Variants in CAST observed in about 807,000 individuals in gnomAD.
CAST encodes the protein calpastatin, also known as MIR583 host.
A neutral mutation model predicts 119.6 loss-of-function variants in CAST; 76 were observed. The observed-to-expected ratio is 0.64, with a 90% CI of 0.53 to 0.77. CAST has a LOEUF of 0.77. CAST is among the 30% of genes least tolerant of loss of function. The pLI is 0.00. For missense variants in CAST, 953 were observed against 946.5 expected (o/e 1.01, Z -0.09); for synonymous variants, 319 against 331.6 (o/e 0.96, Z 0.41).
At chr5:96,681,422 T>G (rs985893025) in intron 2 of CAST, among the ~76,000 whole-genome samples, 1 of 152,190 alleles carries the variant, frequency 6.6e-6, no homozygotes, top group African/African-American at 2.4e-5. Flanking sequence ...TTTTCTTTTG[T>G]TCTTACAATT....
chr5:96,600,424 A>C lies in CAST; in HGVS notation c.60+70544A>C, dbSNP rs1747129367. ...ACATTATATGGATGACGATGGACCA[A>C]GTATGGACCCTTCATATTAGGAAGT... On this transcript the variant is annotated intron_variant, in intron 1 of 11. Transcript: ENST00000505143. Among the ~76,000 whole-genome samples the C allele has an allele frequency of 3.3e-5, 5 of 152,226 alleles. No homozygotes were observed. In the South Asian group the frequency reaches 1.0e-3, roughly 32 times the overall value.
the CAST span, among the ~76,000 whole-genome samples, chr5:96,117,543 C>A: frequency 2.0e-5 from 3 of 152,090 alleles, no homozygotes; most frequent in Non-Finnish European, 4.4e-5. Flanking sequence ...GTCAGATGTG[C>A]AGAAAGAACG....
chr5:96,320,647 TA>T, the CAST span, among the ~76,000 whole-genome samples: 1 of 152,206 alleles, frequency 6.6e-6, no homozygotes, highest in Non-Finnish European at 1.5e-5. Flanking sequence ...GAATATAGGC[TA>T]AATTCAAGAT....
At chr5:96,767,773 A>G in intron 28 of CAST, 134 bp from the exon 29 acceptor site, 1 of 639,212 alleles carries the variant, frequency 1.6e-6, no homozygotes, top group Non-Finnish European at 2.8e-6. Context: ...ACAATACATT[A>G]TTATTAATAA....
the CAST span, among the ~76,000 whole-genome samples, chr5:96,108,877 C>G: frequency 8.5e-5 from 13 of 152,374 alleles, no homozygotes; most frequent in African/African-American, 3.1e-4. Flanking sequence ...ATCAGCGAGA[C>G]TCCGTGGGCA....
the CAST span, among the ~76,000 whole-genome samples, chr5:96,320,538 G>A: frequency 7.9e-5 from 12 of 151,968 alleles, no homozygotes; most frequent in Non-Finnish European, 1.6e-4. Context: ...GTGCCCGGTC[G>A]GCTTTTGCTT....
the CAST span, among the ~76,000 whole-genome samples, chr5:96,367,164 T>C: frequency 6.6e-6 from 1 of 152,208 alleles, no homozygotes; most frequent in East Asian, 1.9e-4. Context: ...CAAACACTGC[T>C]GCCTGATCGT....
At chr5:96,366,295 G>T in the CAST span, among the ~76,000 whole-genome samples, 3 of 152,064 alleles carry the variant, frequency 2.0e-5, no homozygotes, top group Non-Finnish European at 4.4e-5. Context: ...CAAATCTGAC[G>T]ATTATATGTC....
the CAST span, among the ~76,000 whole-genome samples, chr5:96,370,514 G>A: frequency 6.6e-6 from 1 of 152,072 alleles, no homozygotes; most frequent in Non-Finnish European, 1.5e-5. Context: ...GGGCCAGACT[G>A]GTTCTTTAAT....
chr5:96,442,975 T>C, the CAST span, among the ~76,000 whole-genome samples: 1 of 152,252 alleles, frequency 6.6e-6, no homozygotes, highest in Non-Finnish European at 1.5e-5. Context: ...TCCTTCTTCT[T>C]TTTGTAACCA....
the CAST span, among the ~76,000 whole-genome samples, chr5:96,085,025 A>G: frequency 6.6e-6 from 1 of 152,222 alleles, no homozygotes; most frequent in Non-Finnish European, 1.5e-5. Context: ...TTTCTACCCC[A>G]TTCCAGCTAT....
chr5:96,474,192 A>C, the CAST span, among the ~76,000 whole-genome samples: 1 of 152,322 alleles, frequency 6.6e-6, no homozygotes, highest in Admixed American at 6.5e-5. Flanking sequence ...GGCAGCTCAC[A>C]GAATTTTCTA....
Position 96,737,938 on chromosome 5 carries a change from A to G in CAST, c.789A>G (p.Pro263=). ...TEEENTTYTG[P]EVSDPMSSTY... The stretch of plus-strand genomic sequence containing the variant: ...AAGAAAATACAACGTATACTGGACC[A>G]GAAGTTTCAGTATGTGATCATGATA... Residue 263 remains proline, a synonymous_variant, in exon 11 of 32, where the codon CCA becomes CCG. Coordinates refer to ENST00000675179, the MANE Select transcript of CAST (RefSeq NM_001750.7). 2 of 1,563,564 alleles carry G rather than the reference A, an allele frequency of 1.3e-6. No homozygotes were observed. Among genetic ancestry groups the G allele is most frequent in the South Asian group, 1.1e-5 (1 of 89,822 alleles).
At chr5:96,293,874 C>T in the CAST span, among the ~76,000 whole-genome samples, 1 of 152,004 alleles carries the variant, frequency 6.6e-6, no homozygotes, top group South Asian at 2.1e-4. Context: ...TTCTCTCTGC[C>T]TCAGCCTCCC....
At chr5:96,580,356 T>C (rs1239515504) in intron 1 of CAST, among the ~76,000 whole-genome samples, 1 of 152,228 alleles carries the variant, frequency 6.6e-6, no homozygotes, top group Admixed American at 6.5e-5. Context: ...GACAAAATGT[T>C]CATGATTAAC....
the CAST span, among the ~76,000 whole-genome samples, chr5:96,008,362 A>T: frequency 6.6e-6 from 1 of 152,206 alleles, no homozygotes; most frequent in Admixed American, 6.5e-5. Flanking sequence ...TTTTGAAGAC[A>T]ATATCCTTAT....
chr5:96,137,925 C>A, the CAST span, among the ~76,000 whole-genome samples: 1 of 151,518 alleles, frequency 6.6e-6, no homozygotes, highest in Admixed American at 6.6e-5. Flanking sequence ...TTTTTTTTCT[C>A]CCAGTAGTGG....
At chr5:96,320,279 C>T in the CAST span, among the ~76,000 whole-genome samples, 1 of 145,938 alleles carries the variant, frequency 6.9e-6, no homozygotes, top group East Asian at 2.1e-4. Flanking sequence ...GCCCAGGTTC[C>T]CAGACTGGAG....
the CAST span, among the ~76,000 whole-genome samples, chr5:96,374,672 A>T: frequency 1.3e-5 from 2 of 152,144 alleles, no homozygotes; most frequent in Non-Finnish European, 2.9e-5. Context: ...ATGCTGCAAA[A>T]ACTGCATCAG....
Sources: gnomAD v4.1 joint callset for allele counts (sites outside exome capture counted in the v4.1 genomes callset) on GRCh38, gnomAD v4.1.1 for gene constraint, MANE v1.5 for transcripts, NCBI Gene and HGNC (gene_info 2026-07-23, HGNC 2026-07-21) for gene names.